Variants in PREX2 observed in about 807,000 individuals in gnomAD.
PREX2 encodes phosphatidylinositol 3,4,5-trisphosphate-dependent Rac exchanger 2 protein.
In PREX2, 107 loss-of-function variants were observed where a neutral mutation model predicts 203.2. That is an observed-to-expected ratio of 0.53 (90% CI 0.45 to 0.62). The LOEUF (loss-of-function observed/expected upper bound fraction) is 0.62. Ranked by LOEUF, PREX2 falls within the 20% of genes least tolerant of loss-of-function variation. PREX2 has a pLI of 0.00. For synonymous variants in PREX2, 672 were observed against 663.6 expected (o/e 1.01, Z -0.19); for missense variants, 1,777 against 1,955.9 (o/e 0.91, Z 1.72).
chr8:68,232,750 T>G lies in PREX2; in HGVS notation c.*1372T>G, dbSNP rs1280086423. ...TCTCTTGCCTCAGCCTCCCAGGAGC[T>G]GGGACTACAGGTGTGCACCACCATG... is the stretch of plus-strand genomic sequence containing the variant. On this transcript the variant is annotated 3_prime_UTR_variant, in exon 40 of 40. Transcript: ENST00000288368. 2 of 152,194 alleles carry G rather than the reference T, an allele frequency of 1.3e-5. No homozygotes were observed. Among genetic ancestry groups the G allele is most frequent in the Admixed American group, 6.5e-5 (1 of 15,280 alleles). The allele number at this position is 152,194 out of a possible 1,614,324, so 9.4% of individuals were successfully genotyped here.
At chr8:67,958,798 C>T (rs1301515846) in intron 1 of PREX2, among the ~76,000 whole-genome samples, 1 of 152,044 alleles carries the variant, frequency 6.6e-6, no homozygotes, top group Non-Finnish European at 1.5e-5. Flanking sequence ...GGGGCTAAGT[C>T]TCTAGTTTTG....
intron 13 of PREX2, among the ~76,000 whole-genome samples, chr8:68,071,684 C>T (rs922599888): frequency 2.0e-5 from 3 of 152,074 alleles, no homozygotes; most frequent in African/African-American, 4.8e-5. Context: ...ATCTACTGAA[C>T]GGAGAGTCTG....
At chr8:68,080,931 C>T in intron 17 of PREX2, 93 bp downstream of exon 17, 1 of 775,108 alleles carries the variant, frequency 1.3e-6, no homozygotes, top group African/African-American at 1.8e-5. Context: ...TAAAGATAAT[C>T]AGCCTTGAAA....
intron 8 of PREX2, among the ~76,000 whole-genome samples, chr8:68,048,099 C>T (rs1184020492): frequency 6.6e-6 from 1 of 152,048 alleles, no homozygotes; most frequent in East Asian, 1.9e-4. Flanking sequence ...AGATGTTGAC[C>T]TTTGCATTTG....
At chr8:68,049,208 T>C (rs1016979789) in intron 8 of PREX2, among the ~76,000 whole-genome samples, 1 of 150,882 alleles carries the variant, frequency 6.6e-6, no homozygotes, top group African/African-American at 2.4e-5. Flanking sequence ...AAATCAAAGA[T>C]TTATTCAAAA....
Position 68,208,521 on chromosome 8 carries a change from C to T in PREX2, c.4605-9095C>T, listed in dbSNP as rs573726661. On this transcript the variant is annotated intron_variant, in intron 37 of 39. Transcript: ENST00000288368. ...ATGTCTCATTTCTTTTAACTTCTCT[C>T]TTATCAGGTTCAGTGAATTTCTAAC... 1.8e-3 allele frequency among the ~76,000 whole-genome samples: 281 copies of T among 152,098 alleles called. 1 individual carries two copies. Among genetic ancestry groups the T allele is most frequent in the African/African-American group, 6.5e-3 (269 of 41,482 alleles).
chr8:68,166,410 A>G (rs1391677839), intron 35 of PREX2, among the ~76,000 whole-genome samples: 2 of 152,206 alleles, frequency 1.3e-5, no homozygotes, highest in African/African-American at 2.4e-5. Context: ...TAATATAAGT[A>G]GAGAGTTTAT....
intron 10 of PREX2, among the ~76,000 whole-genome samples, chr8:68,057,595 G>A (rs1233104071): frequency 6.6e-6 from 1 of 152,140 alleles, no homozygotes; most frequent in African/African-American, 2.4e-5. Context: ...TTGTGCAAGG[G>A]AAAGAGAAGA....
chr8:68,177,879 A>G (rs1390480959), intron 35 of PREX2, among the ~76,000 whole-genome samples: 1 of 152,144 alleles, frequency 6.6e-6, no homozygotes, highest in Non-Finnish European at 1.5e-5. Flanking sequence ...TACAAGTGAG[A>G]ACATGCAGTG....
chr8:68,021,912 A>G, intron 3 of PREX2, 124 bp from the exon 4 acceptor site: 2 of 596,118 alleles, frequency 3.4e-6, no homozygotes, highest in Non-Finnish European at 3.0e-6. Flanking sequence ...ATATAGCTGT[A>G]TACACGCAGT....
Position 68,236,734 on chromosome 8 carries a change from AAT to A in PREX2, c.*5359_*5360del, listed in dbSNP as rs1334242429. ...TAGTATTCATTATTTTAAATGACAA[AAT>A]ATCAAATTGGTTCTATAAATAGTAA... On this transcript the variant is annotated 3_prime_UTR_variant, in exon 40 of 40. Transcript: ENST00000288368. 1 of 152,142 alleles carries A rather than the reference AAT, an allele frequency of 6.6e-6. No individual in the cohort carries two copies. The highest frequency in any genetic ancestry group is 2.4e-5 in the African/African-American group (1 of 41,472). The allele number at this position is 152,142 out of a possible 1,614,324, so 9.4% of individuals were successfully genotyped here.
chr8:68,172,749 T>C (rs1422896412), intron 35 of PREX2, among the ~76,000 whole-genome samples: 2 of 151,988 alleles, frequency 1.3e-5, no homozygotes, highest in African/African-American at 4.8e-5. Context: ...AAAGGAGAAA[T>C]TGTAGTTATG....
chr8:68,158,391 GGGCCAAGCTTGAGAATTGCAA>G (rs1811588759), intron 35 of PREX2, among the ~76,000 whole-genome samples: 1 of 151,976 alleles, frequency 6.6e-6, no homozygotes, highest in African/African-American at 2.4e-5. Context: ...GAGTTTATTT[GGGCCAAGCTTGAGAATTGCAA>G]GCCAGGAGCA....
chr8:67,952,338 C>G lies in PREX2; in HGVS notation c.-57C>G, dbSNP rs1805363989. On this transcript the variant is annotated 5_prime_UTR_variant, in exon 1 of 40. Coordinates refer to ENST00000288368, the MANE Select transcript of PREX2 (RefSeq NM_024870.4). ...CCGCCGGGGGCCGGGCAGCAGCGGG[C>G]GCGCGGGTCAGCGCTCAGCACGGCG... The G allele has an allele frequency of 7.5e-7, 1 of 1,333,944 alleles. No homozygotes were observed. The highest frequency in any genetic ancestry group is 9.6e-7 in the Non-Finnish European group (1 of 1,044,762). 82.6% of individuals were successfully genotyped at this position (1,333,944 alleles called of 1,614,324 possible). A position where few individuals can be genotyped will look rare whatever the true frequency, so the allele number is the denominator to read the frequency against.
At position 68,080,478 on chromosome 8, in the gene PREX2, C is replaced by A; in HGVS notation, c.1678C>A (p.Leu560Ile). ...EKSEFKDEPL[L>I]FRFFSDEEME... ...AAGCGAATTCAAAGATGAACCCCTA[C>A]TTTTCCGTTTTTTTTCGGATGAGGA... The change falls in exon 16 of 40, where the codon CTT (leucine) becomes ATT (isoleucine). Residue 560 changes from leucine (L) to isoleucine (I), a missense_variant. Physicochemically the swap from Leu to Ile is conservative, Grantham distance 5 (BLOSUM62 2). Transcript: ENST00000288368. 3 of 1,612,496 alleles carry A rather than the reference C, an allele frequency of 1.9e-6. No homozygotes were observed. Among genetic ancestry groups the A allele is most frequent in the South Asian group, 2.2e-5 (2 of 90,664 alleles).
At chr8:68,146,075 C>T (rs1811320443) in intron 33 of PREX2, 134 bp from the exon 34 acceptor site, 4 of 609,476 alleles carry the variant, frequency 6.6e-6, no homozygotes, top group Admixed American at 3.2e-5. Flanking sequence ...ATGTCGAATC[C>T]CAACTTGATA....
intron 37 of PREX2, among the ~76,000 whole-genome samples, chr8:68,196,777 T>C (rs1467022441): frequency 6.6e-6 from 1 of 151,856 alleles, no homozygotes; most frequent in Non-Finnish European, 1.5e-5. Flanking sequence ...AGGCGCCTGC[T>C]TCCCCTTCAC....
At chr8:67,957,873 C>A (rs1805532316) in intron 1 of PREX2, among the ~76,000 whole-genome samples, 1 of 152,056 alleles carries the variant, frequency 6.6e-6, no homozygotes, top group Non-Finnish European at 1.5e-5. Context: ...GTAGATAGGG[C>A]CTTTAAATAG....
At chr8:68,203,730 C>T (rs1434025270) in intron 37 of PREX2, among the ~76,000 whole-genome samples, 3 of 152,156 alleles carry the variant, frequency 2.0e-5, no homozygotes, top group Non-Finnish European at 4.4e-5. Context: ...TCCCCGTCCT[C>T]TGTGCACCCT....
Sources: allele counts gnomAD v4.1 joint callset (sites outside exome capture counted in the v4.1 genomes callset), GRCh38; gene constraint gnomAD v4.1.1; transcripts MANE v1.5; gene names NCBI Gene and HGNC (gene_info 2026-07-23, HGNC 2026-07-21).